CADPS: variants seen among roughly 807,000 people sequenced by gnomAD.
The protein encoded by CADPS is calcium-dependent secretion activator 1.
A neutral mutation model predicts 167.3 loss-of-function variants in CADPS; 57 were observed. That is an observed-to-expected ratio of 0.34 (90% CI 0.28 to 0.42). The LOEUF (loss-of-function observed/expected upper bound fraction) is 0.42. CADPS is among the 20% of genes least tolerant of loss of function. CADPS has a pLI of 1.00. For synonymous variants in CADPS, 676 were observed against 635.3 expected (o/e 1.06, Z -0.96); for missense variants, 1,414 against 1,738.1 (o/e 0.81, Z 3.32).
At chr3:62,756,560 G>C (rs2083969883) in intron 2 of CADPS, among the ~76,000 whole-genome samples, 2 of 152,180 alleles carry the variant, frequency 1.3e-5, no homozygotes, top group Non-Finnish European at 2.9e-5. Context: ...CTCTCATGGA[G>C]TCCAACTGAC....
At chr3:62,871,234 T>G (rs908196660) in intron 1 of CADPS, among the ~76,000 whole-genome samples, 5 of 152,162 alleles carry the variant, frequency 3.3e-5, no homozygotes, top group Non-Finnish European at 7.4e-5. Context: ...CCTTCGGAAG[T>G]GTTCTTCCGA....
At chr3:62,763,125 C>A (rs963415001) in intron 2 of CADPS, among the ~76,000 whole-genome samples, 3 of 152,136 alleles carry the variant, frequency 2.0e-5, no homozygotes, top group African/African-American at 7.2e-5. Flanking sequence ...TACTCAGGTG[C>A]CAGAGATGGT....
At chr3:62,596,444 C>T (rs1325716067) in intron 6 of CADPS, among the ~76,000 whole-genome samples, 1 of 152,050 alleles carries the variant, frequency 6.6e-6, no homozygotes, top group Non-Finnish European at 1.5e-5. Context: ...GTGATCCACC[C>T]ACCTTGGCCT....
intron 3 of CADPS, among the ~76,000 whole-genome samples, chr3:62,692,578 C>T (rs557913259): frequency 6.6e-6 from 1 of 152,120 alleles, no homozygotes; most frequent in African/African-American, 2.4e-5. Context: ...TCTCACTGGC[C>T]TATCACAAAC....
chr3:62,526,642 G>T (rs1371917786), intron 13 of CADPS, among the ~76,000 whole-genome samples: 4 of 152,138 alleles, frequency 2.6e-5, no homozygotes, highest in Admixed American at 6.5e-5. Context: ...AAAATTAGAA[G>T]ATGTAGCAAT....
At chr3:62,494,250 C>T (rs1444200210) in intron 18 of CADPS, among the ~76,000 whole-genome samples, 3 of 152,190 alleles carry the variant, frequency 2.0e-5, no homozygotes, top group Non-Finnish European at 2.9e-5. Flanking sequence ...TTAGGGCTTA[C>T]TCCACTGACT....
chr3:62,549,818 A>G lies in CADPS; in HGVS notation c.1966+85T>C, dbSNP rs2077042874. The G allele has an allele frequency of 2.8e-6, 3 of 1,054,526 alleles. No individual in the cohort carries two copies. The African/African-American group carries it at 4.8e-5, about 17-fold the overall frequency. 65.3% of individuals were successfully genotyped at this position (1,054,526 alleles called of 1,614,324 possible). A position where few individuals can be genotyped will look rare whatever the true frequency, so the allele number is the denominator to read the frequency against. On this transcript the variant is annotated intron_variant, in intron 11 of 29. Transcript: ENST00000383710. ...ACATGATTTTATAAATTTTAAGTAT[A>G]AAAGCAACTAGGTTTTCTAATTCAA...
chr3:62,518,719 T>C (rs1442703058), intron 13 of CADPS, among the ~76,000 whole-genome samples: 2 of 152,174 alleles, frequency 1.3e-5, no homozygotes, highest in Admixed American at 6.6e-5. Context: ...TGCTAAATTG[T>C]ATTACCTATC....
In CADPS at chr3:62,753,540, G is replaced by A; in HGVS notation, c.789C>T (p.Ala263=). 3.1e-6 allele frequency: 5 copies of A among 1,614,102 alleles called. No individual in the cohort carries two copies. Among genetic ancestry groups the A allele is most frequent in the Non-Finnish European group, 4.2e-6 (5 of 1,180,012 alleles). Residue 263 remains alanine (A), a synonymous_variant, in exon 3 of 30, where the codon GCC becomes GCT. Transcript: ENST00000383710. This position sits in a 1 kb window ranked among gnomAD's most constrained non-coding sequence, Gnocchi z 4.6. ...GCTCCTTGCTCAGAATCAGCTCGGAGGCTGCGCTGGCTGTCATCCGGGCCT... is the reference window on the plus strand; with the variant it reads ...GCTCCTTGCTCAGAATCAGCTCGGAAGCTGCGCTGGCTGTCATCCGGGCCT... ...KQQARMTASA[A]SELILSKEQL... is the part of the protein sequence containing the mutation.
At chr3:62,485,328 A>G (rs2062646606) in intron 21 of CADPS, among the ~76,000 whole-genome samples, 1 of 151,910 alleles carries the variant, frequency 6.6e-6, no homozygotes, top group Non-Finnish European at 1.5e-5. Context: ...GCTGGCGAAA[A>G]CTCAGCGTTT....
At chr3:62,682,977 A>T (rs963140387) in intron 3 of CADPS, among the ~76,000 whole-genome samples, 14 of 152,068 alleles carry the variant, frequency 9.2e-5, no homozygotes, top group Non-Finnish European at 1.9e-4. Context: ...AACCAGGCAA[A>T]GAGAAGTGAA....
intron 6 of CADPS, among the ~76,000 whole-genome samples, chr3:62,607,278 C>T (rs2060817634): frequency 6.6e-6 from 1 of 152,148 alleles, no homozygotes; most frequent in Admixed American, 6.5e-5. Context: ...CAGGATCTAC[C>T]CACGGTGTGA....
chr3:62,773,267 C>A lies in CADPS; in HGVS notation c.442-7283G>T, dbSNP rs988415780. On this transcript the variant is annotated intron_variant, in intron 1 of 29. Transcript: ENST00000383710. ...CTTTTAGAAAATTTAGAAATCACAT[C>A]ATCTTAACCAAATATTTACTTATTT... is the stretch of plus-strand genomic sequence containing the variant. 3.9e-5 allele frequency among the ~76,000 whole-genome samples: 6 copies of A among 152,160 alleles called. No homozygotes were observed. The East Asian group carries it at 9.7e-4, about 24-fold the overall frequency.
At chr3:62,659,277 T>A (rs1220328059) in intron 4 of CADPS, among the ~76,000 whole-genome samples, 2 of 152,080 alleles carry the variant, frequency 1.3e-5, no homozygotes, top group African/African-American at 4.8e-5. Flanking sequence ...TAAGCAGAGG[T>A]GATTTGTCTT....
chr3:62,574,038 T>A (rs1207001284), intron 8 of CADPS, among the ~76,000 whole-genome samples: 1 of 152,206 alleles, frequency 6.6e-6, no homozygotes, highest in Non-Finnish European at 1.5e-5. Context: ...AAACATGTAA[T>A]CCATTGCCAA....
rs577740862 is a variant in CADPS, at chr3:62,503,659, G to A, written c.2600-4391C>T. On this transcript the variant is annotated intron_variant, in intron 17 of 29. Coordinates refer to ENST00000383710, the MANE Select transcript of CADPS (RefSeq NM_003716.4). ...TAATTATTTTCAATTTGGAATTCTCGTGGCTTTTATATTGTGGGTTGAATC... is the reference window on the plus strand; with the variant it reads ...TAATTATTTTCAATTTGGAATTCTCATGGCTTTTATATTGTGGGTTGAATC... Among the ~76,000 whole-genome samples the A allele has an allele frequency of 2.5e-4, 38 of 152,220 alleles. 1 individual carries two copies. The highest frequency in any genetic ancestry group is 2.5e-3 in the South Asian group (12 of 4,820).
At chr3:62,497,750 G>A (rs377140257) in intron 18 of CADPS, among the ~76,000 whole-genome samples, 1 of 152,094 alleles carries the variant, frequency 6.6e-6, no homozygotes, top group East Asian at 1.9e-4. Context: ...ACATAGAGAC[G>A]GTTGTTGAGG....
At chr3:62,582,985 G>C (rs1037847095) in intron 8 of CADPS, among the ~76,000 whole-genome samples, 2 of 152,182 alleles carry the variant, frequency 1.3e-5, no homozygotes, top group African/African-American at 4.8e-5. Flanking sequence ...GCTGTGGAGA[G>C]TAAGTGACAC....
At chr3:62,568,113 A>C (rs897536666) in intron 9 of CADPS, among the ~76,000 whole-genome samples, 1 of 152,168 alleles carries the variant, frequency 6.6e-6, no homozygotes, top group African/African-American at 2.4e-5. Flanking sequence ...TTGACCCTCA[A>C]GGAGAGATGC....
Sources: gnomAD v4.1 joint callset for allele counts (sites outside exome capture counted in the v4.1 genomes callset) on GRCh38, gnomAD v4.1.1 for gene constraint, Gnocchi (gnomAD v3.1) non-coding constraint, MANE v1.5 for transcripts, NCBI Gene and HGNC (gene_info 2026-07-23, HGNC 2026-07-21) for gene names.